Variants in NRXN3 observed in about 807,000 individuals in gnomAD.
The protein encoded by NRXN3 is neurexin 3.
In NRXN3, 32 loss-of-function variants were observed where a neutral mutation model predicts 137.6. That is an observed-to-expected ratio of 0.23 (90% CI 0.18 to 0.31). The LOEUF (loss-of-function observed/expected upper bound fraction) is 0.31. NRXN3 is among the 10% of genes least tolerant of loss of function. NRXN3 has a pLI of 1.00. For missense variants in NRXN3, 1,574 were observed against 2,062.5 expected, an observed-to-expected ratio of 0.76 and a Z score of 4.59; for synonymous variants, 798 against 784.5, an observed-to-expected ratio of 1.02 and a Z score of -0.29.
intron 4 of NRXN3, among the ~76,000 whole-genome samples, chr14:78,428,390 A>G (rs1342964220): frequency 6.6e-6 from 1 of 152,080 alleles, no homozygotes; most frequent in Non-Finnish European, 1.5e-5. Flanking sequence ...GTATTCCCCA[A>G]TCCTAACCCC....
intron 15 of NRXN3, among the ~76,000 whole-genome samples, chr14:79,301,416 T>A (rs1479126733): frequency 6.6e-6 from 1 of 152,028 alleles, no homozygotes; most frequent in Admixed American, 6.6e-5. Flanking sequence ...TTCAAGGCCA[T>A]TCTGAACCAG....
At chr14:79,612,220 C>G (rs2098112148) in intron 16 of NRXN3, among the ~76,000 whole-genome samples, 1 of 152,144 alleles carries the variant, frequency 6.6e-6, no homozygotes, top group Admixed American at 6.5e-5. Context: ...CTATTATCAC[C>G]TATATTTATG....
intron 1 of NRXN3, among the ~76,000 whole-genome samples, chr14:78,214,660 C>G (rs1351869683): frequency 6.6e-6 from 1 of 152,104 alleles, no homozygotes; most frequent in Non-Finnish European, 1.5e-5. Flanking sequence ...AAACAAAATA[C>G]AAGGCAGAGC....
In NRXN3 at chr14:79,861,241, T is replaced by C; in HGVS notation, c.4094-101T>C. ...AAGGCAGCGATGGTTGTGATGATGA[T>C]GGCTTGGTGATATCTGGGTATGGCT... On this transcript the variant is annotated intron_variant, in intron 20 of 20. Transcript: ENST00000335750. This position sits in a 1 kb window ranked among gnomAD's most constrained non-coding sequence, Gnocchi z 5.4. 6.5e-7 allele frequency: 1 copy of C among 1,535,548 alleles called. No homozygotes were observed. Among genetic ancestry groups the C allele is most frequent in the Non-Finnish European group, 8.7e-7 (1 of 1,146,540 alleles).
At chr14:79,233,882 C>A (rs1380657361) in intron 15 of NRXN3, among the ~76,000 whole-genome samples, 3 of 151,848 alleles carry the variant, frequency 2.0e-5, no homozygotes, top group African/African-American at 7.3e-5. Flanking sequence ...TCTAAATATT[C>A]TTTCAGATCA....
At chr14:79,263,164 G>A (rs909968786) in intron 15 of NRXN3, among the ~76,000 whole-genome samples, 1 of 152,104 alleles carries the variant, frequency 6.6e-6, no homozygotes, top group Non-Finnish European at 1.5e-5. Context: ...TTTGGGTCTT[G>A]AACACATCCT....
At chr14:78,895,401 C>G (rs753618244) in intron 10 of NRXN3, among the ~76,000 whole-genome samples, 3 of 151,860 alleles carry the variant, frequency 2.0e-5, no homozygotes, top group Admixed American at 6.6e-5. Flanking sequence ...CTGCATCTTC[C>G]TCACCTCTCT....
rs1206251107 is a variant in NRXN3, at chr14:79,642,963, A to G, written c.3445-20815A>G. Among the ~76,000 whole-genome samples the G allele has an allele frequency of 1.1e-4, 15 of 136,050 alleles. 5 individuals carry two copies. The allele number at this position is 136,050 out of a possible 152,430, so 89.3% of individuals were successfully genotyped here. On this transcript the variant is annotated intron_variant, in intron 16 of 20. Transcript: ENST00000335750. ...ATTATTCGTCATTTCATGAACAGAA[A>G]TATATATCCTCTGAGTAGAAGACTC...
At chr14:79,086,279 G>A (rs2048079207) in intron 15 of NRXN3, among the ~76,000 whole-genome samples, 1 of 152,100 alleles carries the variant, frequency 6.6e-6, no homozygotes, top group South Asian at 2.1e-4. Context: ...TTTTCTCAAG[G>A]CCGTGTATCT....
chr14:78,446,100 AT>A (rs769397687), intron 4 of NRXN3, among the ~76,000 whole-genome samples: 4 of 152,168 alleles, frequency 2.6e-5, no homozygotes, highest in Non-Finnish European at 5.9e-5. Flanking sequence ...GCCCATAACC[AT>A]TAATCAGCCA....
At chr14:78,644,324 A>T (rs901317745) in intron 4 of NRXN3, among the ~76,000 whole-genome samples, 12 of 152,060 alleles carry the variant, frequency 7.9e-5, no homozygotes, top group Non-Finnish European at 1.5e-4. Flanking sequence ...TCTTGGCCCC[A>T]TGGAACTCTA....
chr14:79,340,352 A>C (rs1458841646), intron 15 of NRXN3, among the ~76,000 whole-genome samples: 30 of 152,224 alleles, frequency 2.0e-4, no homozygotes, highest in Admixed American at 2.0e-3. Flanking sequence ...CTGGTTAGTC[A>C]GCCCTAACCT....
intron 15 of NRXN3, among the ~76,000 whole-genome samples, chr14:79,440,528 T>C (rs952971619): frequency 6.6e-6 from 1 of 152,224 alleles, no homozygotes; most frequent in Non-Finnish European, 1.5e-5. Flanking sequence ...ATTTGTAATT[T>C]GTATGTTTAC....
intron 15 of NRXN3, among the ~76,000 whole-genome samples, chr14:79,433,717 T>C (rs1298993036): frequency 1.3e-5 from 2 of 152,208 alleles, no homozygotes; most frequent in Non-Finnish European, 2.9e-5. Flanking sequence ...CCTGGCAACA[T>C]TTCATAGATG....
At chr14:79,038,061 T>G (rs2099619056) in intron 15 of NRXN3, among the ~76,000 whole-genome samples, 1 of 152,112 alleles carries the variant, frequency 6.6e-6, no homozygotes, top group Non-Finnish European at 1.5e-5. Flanking sequence ...GGGGTGTGTA[T>G]GAATATTTGT....
intron 16 of NRXN3, among the ~76,000 whole-genome samples, chr14:79,656,446 T>C (rs1334721242): frequency 6.6e-6 from 1 of 152,156 alleles, no homozygotes; most frequent in African/African-American, 2.4e-5. Context: ...CCGAGTAGAT[T>C]TGAAGGACGT....
chr14:79,000,317 G>T (rs2099538872), intron 15 of NRXN3, among the ~76,000 whole-genome samples: 1 of 152,030 alleles, frequency 6.6e-6, no homozygotes, highest in African/African-American at 2.4e-5. Context: ...CAATTCTTCT[G>T]AGATGATTTT....
rs550413668 is a variant in NRXN3 at position 78,503,990 on chromosome 14, T to C, written c.758-141130T>C. Among the ~76,000 whole-genome samples, 3 of 152,306 alleles carry C rather than the reference T, an allele frequency of 2.0e-5. No individual in the cohort carries two copies. In the South Asian group the frequency reaches 6.2e-4, roughly 32 times the overall value. On this transcript the variant is annotated intron_variant, in intron 4 of 20. Coordinates refer to ENST00000335750, the MANE Select transcript of NRXN3 (RefSeq NM_001330195.2). ...AAGTAGAGTTCTCTAGTCACATAAG[T>C]ATGGCAAATCCAGAATGAAAGGAAG...
At chr14:79,317,028 C>T (rs567509824) in intron 15 of NRXN3, among the ~76,000 whole-genome samples, 1 of 151,942 alleles carries the variant, frequency 6.6e-6, no homozygotes, top group South Asian at 2.1e-4. Context: ...GTCAGGAGTT[C>T]GAGACCAGCC....
Sources: allele counts gnomAD v4.1 joint callset (sites outside exome capture counted in the v4.1 genomes callset), GRCh38; gene constraint gnomAD v4.1.1; non-coding constraint Gnocchi (gnomAD v3.1); transcripts MANE v1.5; gene names NCBI Gene and HGNC (gene_info 2026-07-23, HGNC 2026-07-21).